Variants in VWA3B observed in about 807,000 individuals in gnomAD.
VWA3B encodes von Willebrand factor A domain containing 3B, also known as von Willebrand factor A domain-containing protein 3B.
VWA3B carries 138 observed loss-of-function variants against 158.3 expected under a neutral mutation model. The observed-to-expected ratio is 0.87, with a 90% CI of 0.76 to 1.00. The LOEUF (loss-of-function observed/expected upper bound fraction) is 1.00. VWA3B is among the 50% of genes least tolerant of loss of function. The pLI, the probability that VWA3B is intolerant of heterozygous loss-of-function variation, is 0.00. For missense variants in VWA3B, 1,555 were observed against 1,565.1 expected, an observed-to-expected ratio of 0.99 and a Z score of 0.11; for synonymous variants, 596 against 587.3, an observed-to-expected ratio of 1.01 and a Z score of -0.21.
intron 24 of VWA3B, among the ~76,000 whole-genome samples, chr2:98,299,698 C>T (rs1367959976): frequency 6.6e-6 from 1 of 152,230 alleles, no homozygotes; most frequent in African/African-American, 2.4e-5. Context: ...AAACCTCTCC[C>T]TTTCTACGTC....
At chr2:98,116,734 A>G (rs1035632249) in intron 3 of VWA3B, among the ~76,000 whole-genome samples, 5 of 152,094 alleles carry the variant, frequency 3.3e-5, no homozygotes, top group African/African-American at 7.2e-5. Context: ...TTGAACTCCT[A>G]AGCTCAAGCA....
At position 98,233,214 on chromosome 2, in the gene VWA3B, C is replaced by T. The variant is rs76033937; in HGVS notation, c.2309-1434C>T. Among the ~76,000 whole-genome samples, 15 of 152,170 alleles carry T rather than the reference C, an allele frequency of 9.9e-5. No individual in the cohort carries two copies. In the East Asian group the frequency reaches 2.9e-3, roughly 29 times the overall value. On this transcript the variant is annotated intron_variant, in intron 16 of 27. Transcript: ENST00000477737. The stretch of plus-strand genomic sequence containing the variant: ...CCATTTCACTTAGATTTGGGTTGCT[C>T]GGTATTGGGAGACAATCATGTGCTG...
At chr2:98,310,866 C>G (rs1258147313) in intron 26 of VWA3B, among the ~76,000 whole-genome samples, 1 of 152,180 alleles carries the variant, frequency 6.6e-6, no homozygotes, top group Non-Finnish European at 1.5e-5. Context: ...AGTCTTTGAG[C>G]CAATCTTTGA....
At chr2:98,098,965 C>T (rs983404896) in intron 2 of VWA3B, among the ~76,000 whole-genome samples, 1 of 151,998 alleles carries the variant, frequency 6.6e-6, no homozygotes, top group Non-Finnish European at 1.5e-5. Flanking sequence ...TAATTTTGAT[C>T]ACAAAAACCT....
rs985142025 is a variant in VWA3B, at chr2:98,234,718, G to C, written c.2379G>C (p.Lys793Asn). 1.9e-5 allele frequency: 31 copies of C among 1,614,058 alleles called. No homozygotes were observed. The highest frequency in any genetic ancestry group is 2.4e-5 in the Non-Finnish European group (28 of 1,180,022). The change falls in exon 17 of 28, where the codon AAG (lysine) becomes AAC (asparagine). Residue 793 changes from lysine to asparagine, a missense_variant. Lys to Asn is a moderately conservative substitution (Grantham distance 94, BLOSUM62 0). Transcript: ENST00000477737. ...GGAGCTCAGCTTGCAGTGAAAGGAA[G>C]GATGGCCTCTCCAATGCCAGCAGCC... ...SLRSSACSERKDGLSNASSRR... is the reference protein window; with the variant it reads ...SLRSSACSERNDGLSNASSRR...
intron 4 of VWA3B, 90 bp downstream of exon 4, chr2:98,119,853 C>T: frequency 6.7e-7 from 1 of 1,495,496 alleles, no homozygotes. Flanking sequence ...ACACAGTTAG[C>T]TCTCTGGTGA....
chr2:98,229,996 A>G, intron 15 of VWA3B, 54 bp from the exon 16 acceptor site: 1 of 1,514,412 alleles, frequency 6.6e-7, no homozygotes, highest in Non-Finnish European at 8.8e-7. Flanking sequence ...TTCTTGATGG[A>G]AATTTTCTTT....
At chr2:98,139,969 C>A (rs1676633111) in intron 7 of VWA3B, among the ~76,000 whole-genome samples, 1 of 152,158 alleles carries the variant, frequency 6.6e-6, no homozygotes, top group South Asian at 2.1e-4. Context: ...TCTGCAGCTT[C>A]ACTCCTGAAG....
intron 12 of VWA3B, among the ~76,000 whole-genome samples, chr2:98,204,034 G>A (rs1320293265): frequency 1.3e-5 from 2 of 152,188 alleles, no homozygotes; most frequent in African/African-American, 2.4e-5. Flanking sequence ...GTATACATGA[G>A]GATTGTATAG....
At chr2:98,254,309 G>A (rs1193935442) in intron 20 of VWA3B, among the ~76,000 whole-genome samples, 1 of 152,086 alleles carries the variant, frequency 6.6e-6, no homozygotes, top group Non-Finnish European at 1.5e-5. Flanking sequence ...TGAACCCAGA[G>A]CCCTTACCAC....
At chr2:98,113,305 CT>C (rs1489948200) in intron 2 of VWA3B, among the ~76,000 whole-genome samples, 2 of 152,036 alleles carry the variant, frequency 1.3e-5, no homozygotes, top group African/African-American at 4.8e-5. Context: ...CCAGGACCCC[CT>C]GTGTATACCA....
intron 25 of VWA3B, among the ~76,000 whole-genome samples, chr2:98,300,932 A>G (rs1243388831): frequency 1.3e-5 from 2 of 152,094 alleles, no homozygotes; most frequent in Non-Finnish European, 1.5e-5. Flanking sequence ...AGAAGTTGGG[A>G]GACATAAGGG....
At chr2:98,106,896 T>C (rs1167568781) in intron 2 of VWA3B, among the ~76,000 whole-genome samples, 1 of 152,228 alleles carries the variant, frequency 6.6e-6, no homozygotes, top group African/African-American at 2.4e-5. Flanking sequence ...TCCAGCACTA[T>C]GTTGAATAGC....
chr2:98,184,480 C>T (rs555457716), intron 9 of VWA3B, among the ~76,000 whole-genome samples: 1 of 152,262 alleles, frequency 6.6e-6, no homozygotes, highest in South Asian at 2.1e-4. Flanking sequence ...CCGCTCATGT[C>T]AGTGGATCTT....
Position 98,305,675 on chromosome 2 carries a change from G to A in VWA3B, c.3521+1873G>A, listed in dbSNP as rs144391070. Among the ~76,000 whole-genome samples, 411 of 152,208 alleles carry A rather than the reference G, an allele frequency of 2.7e-3. 1 individual carries two copies. Among genetic ancestry groups the A allele is most frequent in the African/African-American group, 9.5e-3 (393 of 41,526 alleles). On this transcript the variant is annotated intron_variant, in intron 26 of 27. Transcript: ENST00000477737. ...CACCCTTTTACCCACAAGTCACGGA[G>A]CTGTCCAGCCAGAAATCTGGTGGTC...
chr2:98,306,740 T>A (rs544942631), intron 26 of VWA3B, among the ~76,000 whole-genome samples: 16 of 152,312 alleles, frequency 1.1e-4, no homozygotes, highest in African/African-American at 3.6e-4. Context: ...GAGAAAAGCC[T>A]TTGTTTTCCA....
chr2:98,243,205 C>A (rs11124121), intron 19 of VWA3B, among the ~76,000 whole-genome samples: 88,265 of 151,926 alleles, frequency 0.58, 26,089 homozygotes, highest in South Asian at 0.82. Context: ...GAACATTGTT[C>A]CATGCTGGCA....
chr2:98,193,072 T>TGAACCCCAA, intron 11 of VWA3B, 36 bp downstream of exon 11: 1 of 1,582,754 alleles, frequency 6.3e-7, no homozygotes. Context: ...ATTTGGGGCT[T>TGAACCCCAA]TGTGTATCAG....
At chr2:98,174,811 G>A (rs1362685622) in intron 8 of VWA3B, among the ~76,000 whole-genome samples, 1 of 152,180 alleles carries the variant, frequency 6.6e-6, no homozygotes, top group African/African-American at 2.4e-5. Context: ...GGAAGTAAAG[G>A]CTGAGGGAGA....
Sources: allele counts gnomAD v4.1 joint callset (sites outside exome capture counted in the v4.1 genomes callset), GRCh38; gene constraint gnomAD v4.1.1; transcripts MANE v1.5; gene names NCBI Gene and HGNC (gene_info 2026-07-23, HGNC 2026-07-21).